CCDC171: variants seen among roughly 807,000 people sequenced by gnomAD.
CCDC171 encodes the protein coiled-coil domain containing 171, also known as coiled-coil domain-containing protein 171.
In CCDC171, 177 loss-of-function variants were observed where a neutral mutation model predicts 168.2. That is an observed-to-expected ratio of 1.05 (90% CI 0.93 to 1.19). The LOEUF (loss-of-function observed/expected upper bound fraction) is 1.19, where lower values mean the gene tolerates loss of function less well. Among genes scored for constraint, CCDC171 ranks in the 50% most tolerant of loss-of-function variants. CCDC171 has a pLI of 0.00. For synonymous variants in CCDC171, 687 were observed against 540.8 expected (o/e 1.27, Z -3.75); for missense variants, 1,991 against 1,539.0 (o/e 1.29, Z -4.91).
At chr9:16,002,369 T>C (rs1473609181) in intron 3 of CCDC171, among the ~76,000 whole-genome samples, 1 of 151,924 alleles carries the variant, frequency 6.6e-6, no homozygotes, top group Non-Finnish European at 1.5e-5. Context: ...TAGACTAATG[T>C]GTGTGTTTGT....
intron 25 of CCDC171, among the ~76,000 whole-genome samples, chr9:15,946,137 A>T (rs1209089963): frequency 6.6e-6 from 1 of 151,916 alleles, no homozygotes; most frequent in Non-Finnish European, 1.5e-5. Flanking sequence ...TTAAATAGGG[A>T]ATCCTTTCCC....
rs572579210 is a variant in CCDC171, at chr9:15,632,990, T to A, written c.822+9577T>A. On this transcript the variant is annotated intron_variant, in intron 7 of 25. Coordinates refer to ENST00000380701, the MANE Select transcript of CCDC171 (RefSeq NM_173550.4). Reference sequence around the variant, plus strand: ...CCATATGTAGAAAGCTGAAACTGGGTCCCTTCCTTACCCATTACACAAAAA... The same window carrying A: ...CCATATGTAGAAAGCTGAAACTGGGACCCTTCCTTACCCATTACACAAAAA... 5.3e-5 allele frequency among the ~76,000 whole-genome samples: 8 copies of A among 152,248 alleles called. No individual in the cohort carries two copies. The East Asian group carries it at 1.5e-3, about 29-fold the overall frequency.
Position 16,047,968 on chromosome 9 carries a change from C to T in CCDC171, n.89+5082C>T, listed in dbSNP as rs147325692. On this transcript the variant is annotated intron_variant and non_coding_transcript_variant, in intron 1 of 1. Coordinates refer to the CCDC171 transcript ENST00000478913. ...TTTGCTTCCTCATCTGACACAGAACCGATGGCTCTCAGAGAGGTAGGGAGT... is the reference window on the plus strand; with the variant it reads ...TTTGCTTCCTCATCTGACACAGAACTGATGGCTCTCAGAGAGGTAGGGAGT... Among the ~76,000 whole-genome samples the T allele has an allele frequency of 4.4e-3, 670 of 152,308 alleles. 4 individuals carry two copies. Among genetic ancestry groups the T allele is most frequent in the African/African-American group, 0.015 (605 of 41,562 alleles).
chr9:15,768,554 G>C (rs2135233119), intron 18 of CCDC171, among the ~76,000 whole-genome samples: 1 of 152,192 alleles, frequency 6.6e-6, no homozygotes, highest in South Asian at 2.1e-4. Context: ...GAGAGTTATT[G>C]AAATAATAAA....
At chr9:15,707,021 C>G (rs1307082577) in intron 11 of CCDC171, among the ~76,000 whole-genome samples, 1 of 152,170 alleles carries the variant, frequency 6.6e-6, no homozygotes, top group Non-Finnish European at 1.5e-5. Context: ...CTAGTATCCT[C>G]TTGAGAATTT....
intron 21 of CCDC171, among the ~76,000 whole-genome samples, chr9:15,823,647 GA>G (rs2059890995): frequency 6.6e-6 from 1 of 152,076 alleles, no homozygotes; most frequent in African/African-American, 2.4e-5. Context: ...CTGCTTTATA[GA>G]AAAGCCAAAT....
intron 21 of CCDC171, among the ~76,000 whole-genome samples, chr9:15,796,553 C>T (rs1441977001): frequency 6.6e-6 from 1 of 152,148 alleles, no homozygotes; most frequent in African/African-American, 2.4e-5. Context: ...ATATAATGTA[C>T]ACTTAAAATA....
At chr9:15,964,064 A>G (rs896433811) in intron 25 of CCDC171, among the ~76,000 whole-genome samples, 3 of 152,204 alleles carry the variant, frequency 2.0e-5, no homozygotes, top group Non-Finnish European at 2.9e-5. Context: ...GGTAAAAGCC[A>G]TGTACTGAGC....
At chr9:15,953,698 A>T (rs1308328349) in intron 25 of CCDC171, among the ~76,000 whole-genome samples, 3 of 152,112 alleles carry the variant, frequency 2.0e-5, no homozygotes, top group African/African-American at 7.2e-5. Flanking sequence ...CATAAAATTT[A>T]TTTGGAAGTG....
At chr9:15,945,312 C>G (rs571062237) in intron 25 of CCDC171, among the ~76,000 whole-genome samples, 9 of 147,598 alleles carry the variant, frequency 6.1e-5, no homozygotes, top group African/African-American at 2.2e-4. Flanking sequence ...CAAGTCTTTG[C>G]TATTGTGAAT....
chr9:15,677,914 ATATATATAT>A (rs2049736243), intron 9 of CCDC171, among the ~76,000 whole-genome samples: 1 of 29,942 alleles, frequency 3.3e-5, no homozygotes, highest in African/African-American at 1.6e-4. Flanking sequence ...ATATATATAT[ATATATATAT>A]ATAAGAGATG....
chr9:16,044,217 T>C (rs749081817), intron 1 of CCDC171, among the ~76,000 whole-genome samples: 12 of 152,232 alleles, frequency 7.9e-5, no homozygotes, highest in African/African-American at 2.2e-4. Flanking sequence ...GCAACTTTCA[T>C]TGAAGGATTC....
intron 3 of CCDC171, among the ~76,000 whole-genome samples, chr9:15,987,751 T>A (rs191739520): frequency 6.6e-6 from 1 of 152,222 alleles, no homozygotes; most frequent in African/African-American, 2.4e-5. Flanking sequence ...TGTTTTAGAT[T>A]TGGGATTTTT....
chr9:15,611,063 C>A (rs1265067641), intron 6 of CCDC171, among the ~76,000 whole-genome samples: 1 of 152,050 alleles, frequency 6.6e-6, no homozygotes, highest in Non-Finnish European at 1.5e-5. Flanking sequence ...TTGGTACTAT[C>A]CTCATAGTAG....
chr9:15,690,279 A>T (rs2050696328), intron 10 of CCDC171, among the ~76,000 whole-genome samples: 1 of 152,224 alleles, frequency 6.6e-6, no homozygotes, highest in Non-Finnish European at 1.5e-5. Flanking sequence ...ATTATGTCTC[A>T]GTCAAGTTTA....
intron 11 of CCDC171, among the ~76,000 whole-genome samples, chr9:15,696,350 A>G (rs1052262042): frequency 3.9e-5 from 6 of 152,128 alleles, no homozygotes; most frequent in African/African-American, 1.2e-4. Flanking sequence ...GCTATTGTCT[A>G]TGTTTTAAGT....
chr9:15,811,074 G>A (rs528770854), intron 21 of CCDC171, among the ~76,000 whole-genome samples: 14 of 152,340 alleles, frequency 9.2e-5, no homozygotes, highest in African/African-American at 2.2e-4. Context: ...AGTGCTGGTC[G>A]AGAGGACAGG....
intron 25 of CCDC171, among the ~76,000 whole-genome samples, chr9:15,924,520 T>C (rs1001063270): frequency 6.6e-6 from 1 of 151,294 alleles, no homozygotes; most frequent in Non-Finnish European, 1.5e-5. Flanking sequence ...CAGGAAAAGA[T>C]TATTTACTAA....
intron 25 of CCDC171, among the ~76,000 whole-genome samples, chr9:15,969,262 G>A (rs574522157): frequency 6.6e-6 from 1 of 152,286 alleles, no homozygotes; most frequent in African/African-American, 2.4e-5. Flanking sequence ...AGGCAAAAGA[G>A]GGACCTCTTT....
Sources: gnomAD v4.1 joint callset for allele counts (sites outside exome capture counted in the v4.1 genomes callset) on GRCh38, gnomAD v4.1.1 for gene constraint, MANE v1.5 for transcripts, NCBI Gene and HGNC (gene_info 2026-07-23, HGNC 2026-07-21) for gene names.